NSMAF: variants seen among roughly 807,000 people sequenced by gnomAD.
NSMAF encodes the protein neutral sphingomyelinase activation associated factor.
NSMAF carries 90 observed loss-of-function variants against 134.9 expected under a neutral mutation model. That is an observed-to-expected ratio of 0.67 (90% CI 0.56 to 0.79). The LOEUF is 0.79. Ranked by LOEUF, NSMAF falls within the 30% of genes least tolerant of loss-of-function variation. The pLI is 0.00. For synonymous variants in NSMAF, 358 were observed against 389.6 expected, an observed-to-expected ratio of 0.92 and a Z score of 0.96; for missense variants, 1,010 against 1,119.0, an observed-to-expected ratio of 0.90 and a Z score of 1.39.
At chr8:58,589,298 TCA>T (rs1805969961) in intron 26 of NSMAF, among the ~76,000 whole-genome samples, 152 bp downstream of exon 26, 1 of 149,798 alleles carries the variant, frequency 6.7e-6, no homozygotes, top group Non-Finnish European at 1.5e-5. Flanking sequence ...ATCCTTACAC[TCA>T]CACGCTTTGT....
intron 1 of NSMAF, among the ~76,000 whole-genome samples, chr8:58,645,296 T>C (rs1190455651): frequency 1.3e-5 from 2 of 151,940 alleles, no homozygotes; most frequent in African/African-American, 4.8e-5. Context: ...GGCTGCACAC[T>C]AGGTATCAGG....
chr8:58,629,185 G>A (rs943875852), intron 6 of NSMAF, among the ~76,000 whole-genome samples: 43 of 151,800 alleles, frequency 2.8e-4, no homozygotes, highest in Admixed American at 2.4e-3. Context: ...TCCACTTGAC[G>A]GTGTGTCATT....
At position 58,659,708 on chromosome 8, in the gene NSMAF, G is replaced by A; in HGVS notation, c.-77C>T. ...CTGCCGAGGAGGTCCGGAGGAGCCG[G>A]GGAGGGCGGGATTGGTGGCCGGCTG... On this transcript the variant is annotated 5_prime_UTR_variant, in exon 1 of 31. Transcript: ENST00000038176. The A allele has an allele frequency of 8.3e-7, 1 of 1,204,792 alleles. No homozygotes were observed. The highest frequency in any genetic ancestry group is 1.1e-6 in the Non-Finnish European group (1 of 935,118). The allele number at this position is 1,204,792 out of a possible 1,614,324, so 74.6% of individuals were successfully genotyped here.
At position 58,609,749 on chromosome 8, in the gene NSMAF, T is replaced by A. The variant is rs1251567867; in HGVS notation, c.558-16A>T. The A allele has an allele frequency of 3.1e-6, 5 of 1,613,018 alleles. No homozygotes were observed. Among genetic ancestry groups the A allele is most frequent in the Non-Finnish European group, 4.2e-6 (5 of 1,179,702 alleles). On this transcript the variant is annotated splice_polypyrimidine_tract_variant and intron_variant, in intron 9 of 30. Transcript: ENST00000038176. ...GTTTTGGAACCTGAAAATAGGTTTT[T>A]CAGCAAAAGTAAGAAAAATCAGAAA... is the stretch of plus-strand genomic sequence containing the variant.
intron 6 of NSMAF, chr8:58,631,218 T>C (rs1237886413): frequency 4.0e-6 from 1 of 247,670 alleles, no homozygotes; most frequent in Non-Finnish European, 7.8e-6. Context: ...ACCCAGTAAA[T>C]AATCTTATAA....
chr8:58,597,652 A>G, intron 20 of NSMAF, 102 bp from the exon 21 acceptor site: 2 of 1,138,298 alleles, frequency 1.8e-6, no homozygotes, highest in Non-Finnish European at 2.6e-6. Context: ...CTAACCCTCA[A>G]ATAATGACAG....
At chr8:58,623,839 T>C (rs1244923571) in intron 6 of NSMAF, 59 bp from the exon 7 acceptor site, 1 of 1,369,684 alleles carries the variant, frequency 7.3e-7, no homozygotes, top group African/African-American at 1.4e-5. Flanking sequence ...CAAACTATGC[T>C]ACTTTAAGAA....
At position 58,586,550 on chromosome 8, in the gene NSMAF, C is replaced by A. The variant is rs776192883; in HGVS notation, c.2354G>T (p.Gly785Val). ...STLLVSGTKEGTVNIWDLTTA... is the reference protein window; with the variant it reads ...STLLVSGTKEVTVNIWDLTTA... ...TGTGAGGTCCCAAATATTCACTGTGCCTTCTTTGGTGCCGGAAACTAACAG... is the reference window on the plus strand; with the variant it reads ...TGTGAGGTCCCAAATATTCACTGTGACTTCTTTGGTGCCGGAAACTAACAG... The change falls in exon 28 of 31, where the codon GGC becomes GTC. Residue 785 changes from glycine to valine, a missense_variant. Transcript: ENST00000038176. 9 of 1,613,902 alleles carry A rather than the reference C, an allele frequency of 5.6e-6. No homozygotes were observed. The highest frequency in any genetic ancestry group is 7.6e-6 in the Non-Finnish European group (9 of 1,179,860).
intron 30 of NSMAF, among the ~76,000 whole-genome samples, chr8:58,585,317 G>GTTTTTTTTT (rs571525208): frequency 2.4e-4 from 35 of 144,328 alleles, no homozygotes; most frequent in African/African-American, 8.7e-4. Flanking sequence ...TTGTTTCTGG[G>GTTTTTTTTT]TTTTTTTTTT....
At chr8:58,658,144 G>C (rs771104072) in intron 1 of NSMAF, among the ~76,000 whole-genome samples, 1 of 152,134 alleles carries the variant, frequency 6.6e-6, no homozygotes, top group Non-Finnish European at 1.5e-5. Context: ...ATTTAAATAT[G>C]AATGTTCACC....
chr8:58,639,346 T>C (rs1234295673), intron 2 of NSMAF, among the ~76,000 whole-genome samples: 1 of 150,238 alleles, frequency 6.7e-6, no homozygotes, highest in Non-Finnish European at 1.5e-5. Flanking sequence ...AACAAGCATA[T>C]GAAAAGATCC....
chr8:58,607,208 G>C (rs1806429500), intron 11 of NSMAF, among the ~76,000 whole-genome samples: 1 of 152,188 alleles, frequency 6.6e-6, no homozygotes, highest in African/African-American at 2.4e-5. Flanking sequence ...TGTAGGGATT[G>C]GTTACTAAAG....
Position 58,587,600 on chromosome 8 carries a change from T to A in NSMAF, c.2295+18A>T. 6.2e-7 allele frequency: 1 copy of A among 1,611,512 alleles called. No homozygotes were observed. Among genetic ancestry groups the A allele is most frequent in the South Asian group, 1.1e-5 (1 of 90,978 alleles). ...CTTTTAAGGTCAGTTTTCTGTACAG[T>A]TTGTTGCTGGTACTCACACTGACAT... On this transcript the variant is annotated intron_variant, in intron 27 of 30. Transcript: ENST00000038176.
rs147265710 is a variant in NSMAF, at chr8:58,614,513, G to C, written c.558-4780C>G. The stretch of plus-strand genomic sequence containing the variant: ...AGGCAAACCTAGATAATGGACATCT[G>C]GGTTGCATAGCAATGGTTATGTGCA... On this transcript the variant is annotated intron_variant, in intron 9 of 30. Coordinates refer to ENST00000038176, the MANE Select transcript of NSMAF (RefSeq NM_003580.4). 5.1e-3 allele frequency among the ~76,000 whole-genome samples: 777 copies of C among 152,286 alleles called. 9 individuals are homozygous for C. The highest frequency in any genetic ancestry group is 0.018 in the African/African-American group (732 of 41,546).
At chr8:58,613,836 C>T (rs1481508619) in intron 9 of NSMAF, among the ~76,000 whole-genome samples, 1 of 152,158 alleles carries the variant, frequency 6.6e-6, no homozygotes, top group African/African-American at 2.4e-5. Context: ...CGGTGTGCCT[C>T]CCTAATCACA....
In NSMAF at chr8:58,597,412, A is replaced by AT; in HGVS notation, c.1766dup (p.Tyr589Ter). Residue 589 changes from tyrosine to a stop codon, truncating the protein, a stop_gained and frameshift_variant, in exon 21 of 31, where the codon TAT (tyrosine) becomes TAAT (stop). Coordinates refer to ENST00000038176, the MANE Select transcript of NSMAF (RefSeq NM_003580.4). LOFTEE classifies it high-confidence loss of function. The stretch of plus-strand genomic sequence containing the variant: ...CTGGGGAATCTGCCATAGAAGCATT[A>AT]TAACTGGAGGTCTGGGACAAACTTT... ...KFKSLSQTSS[Y>*]NASMADSPGE... The AT allele has an allele frequency of 6.2e-7, 1 of 1,614,148 alleles. No individual in the cohort carries two copies. Among genetic ancestry groups the AT allele is most frequent in the South Asian group, 1.1e-5 (1 of 91,088 alleles).
chr8:58,613,687 C>T (rs1235425161), intron 9 of NSMAF, among the ~76,000 whole-genome samples: 3 of 152,062 alleles, frequency 2.0e-5, no homozygotes, highest in African/African-American at 7.2e-5. Context: ...TTTTACTCTA[C>T]CTTTTCTATA....
At chr8:58,646,568 T>C (rs1321478875) in intron 1 of NSMAF, among the ~76,000 whole-genome samples, 2 of 152,228 alleles carry the variant, frequency 1.3e-5, no homozygotes, top group African/African-American at 2.4e-5. Context: ...CCAAATCATA[T>C]TGTTTGAAGT....
chr8:58,641,689 G>A (rs1807342317), intron 2 of NSMAF, among the ~76,000 whole-genome samples: 1 of 152,196 alleles, frequency 6.6e-6, no homozygotes, highest in African/African-American at 2.4e-5. Context: ...ACTAGTACAA[G>A]TAGTGCTATA....
Sources: gnomAD v4.1 joint callset for allele counts (sites outside exome capture counted in the v4.1 genomes callset) on GRCh38, gnomAD v4.1.1 for gene constraint, MANE v1.5 for transcripts, NCBI Gene and HGNC (gene_info 2026-07-23, HGNC 2026-07-21) for gene names.